Variants in ZMAT4 observed in about 807,000 individuals in gnomAD.
ZMAT4 encodes the protein zinc finger matrin-type protein 4.
ZMAT4 carries 17 observed loss-of-function variants against 28.7 expected under a neutral mutation model. The ratio of observed to expected loss-of-function variants is 0.59; its 90% CI spans 0.41 to 0.89. The LOEUF (loss-of-function observed/expected upper bound fraction) is 0.89, where lower values mean the gene tolerates loss of function less well. ZMAT4 is among the 40% of genes least tolerant of loss of function. The pLI is 0.00. For missense variants in ZMAT4, 240 were observed against 283.8 expected (o/e 0.85, Z 1.11); for synonymous variants, 117 against 109.2 (o/e 1.07, Z -0.44).
chr8:40,667,113 TA>T (rs1014272284), intron 5 of ZMAT4, among the ~76,000 whole-genome samples: 22 of 152,078 alleles, frequency 1.4e-4, no homozygotes, highest in Admixed American at 6.6e-4. Flanking sequence ...GTTAAGGTAG[TA>T]AACACTGGCC....
chr8:40,545,135 C>A (rs1279539297), intron 6 of ZMAT4, among the ~76,000 whole-genome samples: 1 of 152,040 alleles, frequency 6.6e-6, no homozygotes, highest in Non-Finnish European at 1.5e-5. Flanking sequence ...TTCCAACAAC[C>A]CACAAGGAAC....
chr8:40,591,682 G>T (rs978823115), intron 5 of ZMAT4, among the ~76,000 whole-genome samples: 1 of 152,128 alleles, frequency 6.6e-6, no homozygotes, highest in Non-Finnish European at 1.5e-5. Context: ...TATCATAAAG[G>T]TCTTATTCTG....
At chr8:40,797,276 G>A (rs184729467) in intron 2 of ZMAT4, among the ~76,000 whole-genome samples, 10 of 152,180 alleles carry the variant, frequency 6.6e-5, no homozygotes, top group South Asian at 2.1e-4. Context: ...TGCCTCTGCC[G>A]GTGCACTTAG....
intron 3 of ZMAT4, among the ~76,000 whole-genome samples, chr8:40,740,664 G>C (rs746511620): frequency 2.6e-5 from 4 of 152,110 alleles, no homozygotes; most frequent in African/African-American, 9.7e-5. Flanking sequence ...TCAAGAGATT[G>C]GTGCATATAA....
intron 6 of ZMAT4, among the ~76,000 whole-genome samples, chr8:40,554,436 G>GA (rs1348106176): frequency 1.3e-5 from 2 of 151,926 alleles, no homozygotes; most frequent in Non-Finnish European, 2.9e-5. Context: ...AATACACTGC[G>GA]AAAAAACTAG....
intron 3 of ZMAT4, among the ~76,000 whole-genome samples, chr8:40,739,404 T>A (rs1811908724): frequency 1.3e-5 from 2 of 152,204 alleles, no homozygotes; most frequent in Admixed American, 1.3e-4. Context: ...AATAACATAT[T>A]TCTTTTGAAA....
intron 3 of ZMAT4, among the ~76,000 whole-genome samples, chr8:40,756,457 T>TATATATATATATATATATATATATATAC (rs1278110013): frequency 2.6e-5 from 3 of 113,316 alleles, no homozygotes; most frequent in Non-Finnish European, 3.6e-5. Context: ...TATATATATA[T>TATATATATATATATATATATATATATAC]ACACACTTGT....
chr8:40,841,160 C>T (rs1487324196), intron 1 of ZMAT4, among the ~76,000 whole-genome samples: 7 of 152,180 alleles, frequency 4.6e-5, no homozygotes, highest in African/African-American at 7.2e-5. Flanking sequence ...CAGGGTGAAA[C>T]GTAGTAGAGT....
At chr8:40,851,385 G>T (rs1233112052) in intron 1 of ZMAT4, among the ~76,000 whole-genome samples, 1 of 152,090 alleles carries the variant, frequency 6.6e-6, no homozygotes, top group African/African-American at 2.4e-5. Flanking sequence ...ATGCAATGTA[G>T]TATCCTAGGT....
At chr8:40,723,651 C>T (rs1427119870) in intron 3 of ZMAT4, among the ~76,000 whole-genome samples, 1 of 151,320 alleles carries the variant, frequency 6.6e-6, no homozygotes, top group African/African-American at 2.4e-5. Context: ...TGGAATCTAA[C>T]CAGATTTAGG....
intron 4 of ZMAT4, among the ~76,000 whole-genome samples, chr8:40,693,724 G>A (rs1042546524): frequency 1.3e-5 from 2 of 152,222 alleles, no homozygotes; most frequent in African/African-American, 4.8e-5. Flanking sequence ...GTAAATGAAT[G>A]AGTGTTATTC....
At chr8:40,612,373 C>A (rs979330019) in intron 5 of ZMAT4, among the ~76,000 whole-genome samples, 2 of 137,854 alleles carry the variant, frequency 1.5e-5, no homozygotes, top group African/African-American at 5.0e-5. Context: ...CTACTAGTGA[C>A]AACCACAGAA....
intron 1 of ZMAT4, among the ~76,000 whole-genome samples, chr8:40,864,597 G>A (rs544147234): frequency 4.7e-4 from 71 of 152,274 alleles, no homozygotes; most frequent in South Asian, 1.5e-3. Context: ...GTGATGAGCT[G>A]GTGATGACAT....
Position 40,896,681 on chromosome 8 carries a change from T to C in ZMAT4, c.-5+1002A>G, listed in dbSNP as rs113103646. On this transcript the variant is annotated intron_variant, in intron 1 of 6. Coordinates refer to ENST00000297737, the MANE Select transcript of ZMAT4 (RefSeq NM_024645.3). ...AAGAGAGGCCCCTGAGGTCTCGCGA[T>C]TTAGAATGCTCAAGGGTGCTTCTGG... 5.6e-3 allele frequency among the ~76,000 whole-genome samples: 859 copies of C among 152,212 alleles called. 5 individuals are homozygous for C. Among genetic ancestry groups the C allele is most frequent in the African/African-American group, 0.019 (808 of 41,534 alleles).
At chr8:40,773,887 A>G (rs543765318) in intron 2 of ZMAT4, among the ~76,000 whole-genome samples, 3 of 152,286 alleles carry the variant, frequency 2.0e-5, no homozygotes, top group Admixed American at 6.5e-5. Context: ...TATATATGAA[A>G]AAACAGAACA....
At chr8:40,541,398 A>G (rs1054327482) in intron 6 of ZMAT4, among the ~76,000 whole-genome samples, 71 of 152,144 alleles carry the variant, frequency 4.7e-4, no homozygotes, top group Non-Finnish European at 7.6e-4. Flanking sequence ...TGATTTCACA[A>G]TTCTCCCCTC....
At chr8:40,597,383 A>C (rs1299765410) in intron 5 of ZMAT4, among the ~76,000 whole-genome samples, 1 of 152,208 alleles carries the variant, frequency 6.6e-6, no homozygotes, top group East Asian at 1.9e-4. Context: ...ACTGGTGTGC[A>C]GGCCACTTGC....
Position 40,633,669 on chromosome 8 carries a change from T to G in ZMAT4, c.577+41035A>C, listed in dbSNP as rs1806682586. 2.0e-5 allele frequency among the ~76,000 whole-genome samples: 3 copies of G among 152,110 alleles called. No individual in the cohort carries two copies. The South Asian group carries it at 6.2e-4, about 32-fold the overall frequency. On this transcript the variant is annotated intron_variant, in intron 5 of 6. Transcript: ENST00000297737. ...GAGCTTTTTCAAGCTTCCCTAATAG[T>G]GTAGAGAAGGACCAGAAGCATGTTT...
intron 3 of ZMAT4, among the ~76,000 whole-genome samples, chr8:40,748,679 G>C (rs1398785461): frequency 6.6e-6 from 1 of 152,062 alleles, no homozygotes; most frequent in Non-Finnish European, 1.5e-5. Flanking sequence ...AACAAGAATG[G>C]TATTGAACAC....
Sources: allele counts gnomAD v4.1 joint callset (sites outside exome capture counted in the v4.1 genomes callset), GRCh38; gene constraint gnomAD v4.1.1; transcripts MANE v1.5; gene names NCBI Gene and HGNC (gene_info 2026-07-23, HGNC 2026-07-21).